The following FRMD4B variants were observed in gnomAD, a reference collection of about 807,000 sequenced individuals.
FRMD4B encodes FERM domain containing 4B, also known as FERM domain-containing protein 4B.
A neutral mutation model predicts 141.5 loss-of-function variants in FRMD4B; 74 were observed. The ratio of observed to expected loss-of-function variants is 0.52; its 90% CI spans 0.43 to 0.63. The LOEUF is 0.63. Ranked by LOEUF, FRMD4B falls within the 30% of genes least tolerant of loss-of-function variation. The pLI, the probability that FRMD4B is intolerant of heterozygous loss-of-function variation, is 0.00. For missense variants in FRMD4B, 1,366 were observed against 1,253.4 expected, an observed-to-expected ratio of 1.09 and a Z score of -1.36; for synonymous variants, 506 against 467.9, an observed-to-expected ratio of 1.08 and a Z score of -1.05.
intron 4 of FRMD4B, among the ~76,000 whole-genome samples, chr3:69,301,032 G>A (rs534423351): frequency 6.6e-6 from 1 of 152,170 alleles, no homozygotes; most frequent in African/African-American, 2.4e-5. Context: ...CACCGCGCCT[G>A]GCTAGCTGCA....
At chr3:69,529,751 C>T (rs1479166061) in intron 1 of FRMD4B, among the ~76,000 whole-genome samples, 1 of 152,198 alleles carries the variant, frequency 6.6e-6, no homozygotes, top group Non-Finnish European at 1.5e-5. Context: ...AAGTACTTTA[C>T]AAATAATTAC....
chr3:69,374,563 G>A (rs1232469305), intron 1 of FRMD4B, among the ~76,000 whole-genome samples: 1 of 152,192 alleles, frequency 6.6e-6, no homozygotes, highest in East Asian at 1.9e-4. Flanking sequence ...GCAGACATGG[G>A]GTCCTAGAGC....
At chr3:69,342,777 ATCC>A (rs1385931923) in intron 1 of FRMD4B, among the ~76,000 whole-genome samples, 2 of 152,164 alleles carry the variant, frequency 1.3e-5, no homozygotes, top group Non-Finnish European at 2.9e-5. Flanking sequence ...AACATTCAAT[ATCC>A]TCCTATTTGA....
intron 1 of FRMD4B, among the ~76,000 whole-genome samples, chr3:69,341,700 A>C (rs1702743772): frequency 6.6e-6 from 1 of 152,206 alleles, no homozygotes; most frequent in African/African-American, 2.4e-5. Flanking sequence ...CAAGGCCTTT[A>C]GGAGGTGGTT....
At position 69,403,495 on chromosome 3, in the gene FRMD4B, A is replaced by G. The variant is rs567229102; in HGVS notation, c.-1+29139T>C. 2.0e-5 allele frequency among the ~76,000 whole-genome samples: 3 copies of G among 152,300 alleles called. No individual in the cohort carries two copies. The South Asian group carries it at 6.2e-4, about 32-fold the overall frequency. ...GCTCAGTGACAGGGAAATCTCAGTAAGGAAGAAAGGAACCCTTCCCCCTGA... is the reference window on the plus strand; with the variant it reads ...GCTCAGTGACAGGGAAATCTCAGTAGGGAAGAAAGGAACCCTTCCCCCTGA... On this transcript the variant is annotated intron_variant, in intron 2 of 5. Transcript: ENST00000459638.
intron 1 of FRMD4B, among the ~76,000 whole-genome samples, chr3:69,371,038 A>G (rs142747409): frequency 8.5e-4 from 130 of 152,370 alleles, no homozygotes; most frequent in Non-Finnish European, 1.6e-3. Context: ...ATGAACAAAT[A>G]TATTCATAGA....
At chr3:69,536,663 G>A in intron 1 of FRMD4B, 1 of 904,842 alleles carries the variant, frequency 1.1e-6, no homozygotes, top group South Asian at 1.4e-5. Flanking sequence ...AGGAGAGTGA[G>A]ATGTCACTGG....
intron 1 of FRMD4B, among the ~76,000 whole-genome samples, chr3:69,362,554 G>A (rs1236898483): frequency 2.0e-5 from 3 of 152,150 alleles, no homozygotes; most frequent in Admixed American, 1.3e-4. Context: ...GCGCATGCCT[G>A]TAATTCCAGC....
intron 17 of FRMD4B, among the ~76,000 whole-genome samples, chr3:69,191,774 T>G (rs922210858): frequency 3.3e-5 from 5 of 152,214 alleles, no homozygotes; most frequent in Non-Finnish European, 7.3e-5. Context: ...CAAATGGCCA[T>G]GAAGTTAAGC....
upstream of FRMD4B, among the ~76,000 whole-genome samples, chr3:69,390,518 C>T (rs968232693): frequency 6.6e-6 from 1 of 152,152 alleles, no homozygotes; most frequent in African/African-American, 2.4e-5. Context: ...TTATATAATG[C>T]ACTGGAGAGC....
chr3:69,267,804 T>G (rs922943013), intron 5 of FRMD4B, among the ~76,000 whole-genome samples: 4 of 149,574 alleles, frequency 2.7e-5, no homozygotes, highest in African/African-American at 1.0e-4. Context: ...GGCTAATTTT[T>G]GTACTTTTAG....
chr3:69,248,401 G>A (rs1225946270), intron 7 of FRMD4B, among the ~76,000 whole-genome samples: 1 of 152,158 alleles, frequency 6.6e-6, no homozygotes, highest in East Asian at 1.9e-4. Context: ...TTTCCGAACT[G>A]AAGTACAACT....
chr3:69,353,496 C>T (rs771869608), intron 1 of FRMD4B: 11 of 809,974 alleles, frequency 1.4e-5, no homozygotes, highest in South Asian at 5.6e-5. Flanking sequence ...GAAGAAGCAC[C>T]GTTACACAGT....
chr3:69,218,716 A>G (rs1430167900), intron 9 of FRMD4B, among the ~76,000 whole-genome samples: 1 of 152,200 alleles, frequency 6.6e-6, no homozygotes, highest in Admixed American at 6.5e-5. Flanking sequence ...AGCTATGGGC[A>G]CCAACTTTTG....
intron 5 of FRMD4B, among the ~76,000 whole-genome samples, chr3:69,269,889 G>C (rs1458925625): frequency 1.3e-5 from 2 of 152,168 alleles, no homozygotes; most frequent in African/African-American, 4.8e-5. Flanking sequence ...CAAAGTGCTG[G>C]GATTACAGGC....
intron 2 of FRMD4B, among the ~76,000 whole-genome samples, chr3:69,420,290 C>CAA (rs56707719): frequency 0.26 from 34,291 of 131,766 alleles, 4,848 homozygotes; most frequent in East Asian, 0.45. Context: ...AAAGGGATAT[C>CAA]AAAAAAAAAA....
At chr3:69,371,749 C>T (rs1417330548) in intron 1 of FRMD4B, among the ~76,000 whole-genome samples, 2 of 152,130 alleles carry the variant, frequency 1.3e-5, no homozygotes, top group East Asian at 3.9e-4. Flanking sequence ...CTTCAGCACC[C>T]GGAAGAATGG....
At chr3:69,289,543 C>G (rs1559781871) in intron 4 of FRMD4B, among the ~76,000 whole-genome samples, 1 of 152,174 alleles carries the variant, frequency 6.6e-6, no homozygotes, top group South Asian at 2.1e-4. Context: ...CGCCTGTAAT[C>G]CCAGCACTTT....
At chr3:69,218,878 C>CT (rs375884888) in intron 9 of FRMD4B, among the ~76,000 whole-genome samples, 49 of 152,158 alleles carry the variant, frequency 3.2e-4, no homozygotes, top group African/African-American at 1.1e-3. Context: ...ATATGTCCCC[C>CT]CAGGCTGGGC....
Sources: allele counts gnomAD v4.1 joint callset (sites outside exome capture counted in the v4.1 genomes callset), GRCh38; gene constraint gnomAD v4.1.1; transcripts MANE v1.5; gene names NCBI Gene and HGNC (gene_info 2026-07-23, HGNC 2026-07-21).